REEP3: variants seen among roughly 807,000 people sequenced by gnomAD.
REEP3 encodes the protein receptor accessory protein 3.
In REEP3, 20 loss-of-function variants were observed where a neutral mutation model predicts 41.3. That is an observed-to-expected ratio of 0.48 (90% CI 0.34 to 0.70). The LOEUF (loss-of-function observed/expected upper bound fraction) is 0.70, where lower values mean the gene tolerates loss of function less well. Ranked by LOEUF, REEP3 falls within the 30% of genes least tolerant of loss-of-function variation. The probability of loss-of-function intolerance (pLI) is 0.01; values close to 1 mark genes in which losing one functional copy is unlikely to be tolerated. For synonymous variants in REEP3, 104 were observed against 101.8 expected, an observed-to-expected ratio of 1.02 and a Z score of -0.13; for missense variants, 271 against 308.8, an observed-to-expected ratio of 0.88 and a Z score of 0.92.
chr10:63,603,038 G>T (rs1272856432), intron 5 of REEP3, among the ~76,000 whole-genome samples: 1 of 146,780 alleles, frequency 6.8e-6, no homozygotes, highest in Non-Finnish European at 1.5e-5. Flanking sequence ...CCATGGCTGG[G>T]CGCAGTGGCT....
chr10:63,569,613 A>T (rs1013500611), intron 2 of REEP3, among the ~76,000 whole-genome samples: 3 of 152,146 alleles, frequency 2.0e-5, no homozygotes, highest in Non-Finnish European at 4.4e-5. Flanking sequence ...AAGGGATAGC[A>T]TAAGAAATAT....
chr10:63,567,411 A>G (rs191150147), intron 2 of REEP3, among the ~76,000 whole-genome samples: 3 of 152,336 alleles, frequency 2.0e-5, no homozygotes, highest in Admixed American at 2.0e-4. Flanking sequence ...GATATTTCAT[A>G]TAAATAGAAT....
chr10:63,603,176 G>A (rs997941372), intron 5 of REEP3, among the ~76,000 whole-genome samples: 30 of 151,730 alleles, frequency 2.0e-4, no homozygotes, highest in African/African-American at 7.3e-4. Context: ...AGGTGGGCGT[G>A]GTGGTGGGTG....
chr10:63,556,963 G>A (rs1955693572), intron 1 of REEP3, among the ~76,000 whole-genome samples: 1 of 152,094 alleles, frequency 6.6e-6, no homozygotes, highest in Admixed American at 6.5e-5. Context: ...CCAGGGTCAA[G>A]CCAGGAAACT....
rs1956267060 is a variant in REEP3 at position 63,610,235 on chromosome 10, T to A, written c.466T>A (p.Leu156Ile). The A allele has an allele frequency of 5.0e-6, 8 of 1,606,252 alleles. No individual in the cohort carries two copies. The highest frequency in any genetic ancestry group is 1.7e-4 in the Middle Eastern group (1 of 6,048). Residue 156 changes from leucine (L) to isoleucine (I), a missense_variant, in exon 6 of 8, where the codon TTA (leucine) becomes ATA (isoleucine). By Grantham distance (5) the Leu-to-Ile change is conservative (BLOSUM62 2). Coordinates refer to ENST00000373758, the MANE Select transcript of REEP3 (RefSeq NM_001001330.3). ...ERLRSFSMHD[L>I]TTIQGDEPVG... ...TTTAAGAAGCTTCAGTATGCATGAT[T>A]TAACAACTATCCAAGGTGATGAGCC...
chr10:63,565,807 T>G (rs941708693), intron 1 of REEP3, among the ~76,000 whole-genome samples: 1 of 151,942 alleles, frequency 6.6e-6, no homozygotes, highest in African/African-American at 2.4e-5. Context: ...TGCAATGAGA[T>G]AAAAAGTTTT....
intron 1 of REEP3, among the ~76,000 whole-genome samples, chr10:63,537,822 A>C (rs903130623): frequency 1.4e-4 from 21 of 152,322 alleles, no homozygotes; most frequent in African/African-American, 5.1e-4. Flanking sequence ...ATCGCCAGGC[A>C]GGCTGTCTCT....
chr10:63,536,632 C>T (rs2133346160), intron 1 of REEP3, among the ~76,000 whole-genome samples: 1 of 151,632 alleles, frequency 6.6e-6, no homozygotes, highest in East Asian at 1.9e-4. Flanking sequence ...GTATAATAAT[C>T]AGAAGATAAA....
chr10:63,591,571 A>G (rs1420503584), intron 2 of REEP3, among the ~76,000 whole-genome samples: 1 of 152,268 alleles, frequency 6.6e-6, no homozygotes, highest in Non-Finnish European at 1.5e-5. Flanking sequence ...TATTTAACTA[A>G]AAGTTGAAGC....
At position 63,621,817 on chromosome 10, in the gene REEP3, A is replaced by AT. The variant is rs1956355402; in HGVS notation, c.*949dup. The AT allele has an allele frequency of 1.3e-5, 2 of 152,190 alleles. No homozygotes were observed. The highest frequency in any genetic ancestry group is 4.1e-4 in the South Asian group (2 of 4,832). 9.4% of individuals were successfully genotyped at this position (152,190 alleles called of 1,614,324 possible). A position where few individuals can be genotyped will look rare whatever the true frequency, so the allele number is the denominator to read the frequency against. On this transcript the variant is annotated 3_prime_UTR_variant, in exon 8 of 8. Coordinates refer to ENST00000373758, the MANE Select transcript of REEP3 (RefSeq NM_001001330.3). ...AATCAGTGACCAGTATAGCACTTAG[A>AT]TCCCTTCTAACTCATATAATTTTTC... is the stretch of plus-strand genomic sequence containing the variant.
At chr10:63,521,618 C>T in intron 1 of REEP3, 41 bp downstream of exon 1, 1 of 1,371,698 alleles carries the variant, frequency 7.3e-7, no homozygotes, top group Non-Finnish European at 9.6e-7. Flanking sequence ...GCGCGAGGCC[C>T]AGGGGAGCTG....
At chr10:63,587,367 G>A (rs1466548846) in intron 2 of REEP3, among the ~76,000 whole-genome samples, 4 of 152,102 alleles carry the variant, frequency 2.6e-5, no homozygotes, top group Non-Finnish European at 4.4e-5. Flanking sequence ...CGACCAGTCC[G>A]GGCATTAGCC....
intron 6 of REEP3, among the ~76,000 whole-genome samples, chr10:63,615,748 A>G (rs1214954996): frequency 1.3e-5 from 2 of 151,196 alleles, no homozygotes; most frequent in Non-Finnish European, 2.9e-5. Flanking sequence ...GTTTTGCCAT[A>G]TTGGCCAGGC....
intron 6 of REEP3, among the ~76,000 whole-genome samples, chr10:63,617,348 G>T (rs1382360715): frequency 1.3e-5 from 2 of 152,144 alleles, no homozygotes; most frequent in African/African-American, 4.8e-5. Flanking sequence ...ACAACTCTTT[G>T]TAGTTTGCTT....
At chr10:63,578,084 T>C (rs1264672292) in intron 2 of REEP3, among the ~76,000 whole-genome samples, 1 of 152,098 alleles carries the variant, frequency 6.6e-6, no homozygotes, top group Non-Finnish European at 1.5e-5. Flanking sequence ...GGTATGTATG[T>C]ATGTATGTAT....
At chr10:63,599,829 G>C (rs910285254) in intron 5 of REEP3, 2 of 244,702 alleles carry the variant, frequency 8.2e-6, no homozygotes, top group African/African-American at 4.7e-5. Flanking sequence ...AATGTGTTCT[G>C]TAAAAATTTG....
At chr10:63,616,797 T>G (rs1440458065) in intron 6 of REEP3, among the ~76,000 whole-genome samples, 1 of 151,964 alleles carries the variant, frequency 6.6e-6, no homozygotes, top group South Asian at 2.1e-4. Context: ...CAAACATCAA[T>G]AGGAAAAAAA....
intron 2 of REEP3, 114 bp from the exon 3 acceptor site, chr10:63,594,664 A>G: frequency 1.4e-6 from 1 of 711,410 alleles, no homozygotes; most frequent in Middle Eastern, 2.7e-4. Flanking sequence ...ATCCAGAAAT[A>G]CATACATAAT....
intron 2 of REEP3, among the ~76,000 whole-genome samples, chr10:63,572,195 A>G (rs917635787): frequency 1.2e-4 from 18 of 152,220 alleles, no homozygotes; most frequent in East Asian, 1.2e-3. Flanking sequence ...AATCTTGACA[A>G]TCTTCTAAGT....
Sources: allele counts gnomAD v4.1 joint callset (sites outside exome capture counted in the v4.1 genomes callset), GRCh38; gene constraint gnomAD v4.1.1; transcripts MANE v1.5; gene names NCBI Gene and HGNC (gene_info 2026-07-23, HGNC 2026-07-21).